MTAP: variants seen among roughly 807,000 people sequenced by gnomAD.
MTAP encodes S-methyl-5'-thioadenosine phosphorylase.
In MTAP, 33 loss-of-function variants were observed where a neutral mutation model predicts 33.6. The observed-to-expected ratio is 0.98, with a 90% CI of 0.74 to 1.31. The LOEUF (loss-of-function observed/expected upper bound fraction) is 1.31, where lower values mean the gene tolerates loss of function less well. Ranked by LOEUF, MTAP falls within the 40% of genes most tolerant of loss-of-function variation. The pLI is 0.00. For synonymous variants in MTAP, 148 were observed against 125.7 expected, an observed-to-expected ratio of 1.18 and a Z score of -1.19; for missense variants, 367 against 360.0, an observed-to-expected ratio of 1.02 and a Z score of -0.16.
chr9:21,804,524 T>TA (rs753143886), intron 1 of MTAP, among the ~76,000 whole-genome samples: 39 of 152,312 alleles, frequency 2.6e-4, no homozygotes, highest in Non-Finnish European at 4.4e-4. Flanking sequence ...AAGAGGTACA[T>TA]ATGGTGCTAG....
intron 1 of MTAP, chr9:21,803,077 A>C (rs1221837980): frequency 1.3e-6 from 1 of 743,444 alleles, no homozygotes; most frequent in Non-Finnish European, 2.0e-6. Flanking sequence ...TGTAGGGCGT[A>C]GGCACCCCTT....
chr9:21,928,225 T>A (rs1054012169), intron 1 of MTAP, among the ~76,000 whole-genome samples: 3 of 152,212 alleles, frequency 2.0e-5, no homozygotes, highest in Non-Finnish European at 4.4e-5. Flanking sequence ...TTTACTTGAC[T>A]CATGCCACCT....
In MTAP at chr9:21,829,315, ACT is replaced by A. The variant is rs560859345; in HGVS notation, c.348-8590_348-8589del. Among the ~76,000 whole-genome samples the A allele has an allele frequency of 2.0e-3, 307 of 151,102 alleles. 1 individual carries two copies. Among genetic ancestry groups the A allele is most frequent in the African/African-American group, 7.0e-3 (289 of 41,116 alleles). On this transcript the variant is annotated intron_variant, in intron 4 of 7. Transcript: ENST00000644715. Reference sequence around the variant, plus strand: ...CATTGAATCAGGAGGTTTCATCTTGACTCTGTTTGGCCCTGTGCAAATCACTT... The same window carrying A: ...CATTGAATCAGGAGGTTTCATCTTGACTGTTTGGCCCTGTGCAAATCACTT...
chr9:21,815,021 A>G (rs2080797163), intron 1 of MTAP, among the ~76,000 whole-genome samples: 1 of 152,230 alleles, frequency 6.6e-6, no homozygotes, highest in South Asian at 2.1e-4. Context: ...CAGTCTTCTG[A>G]ACATTGTTTA....
chr9:21,881,224 G>A (rs1384686515), intron 1 of MTAP, among the ~76,000 whole-genome samples: 1 of 151,684 alleles, frequency 6.6e-6, no homozygotes, highest in Admixed American at 6.6e-5. Context: ...GAATGAAGTT[G>A]GACTCTTACC....
chr9:21,903,715 C>T (rs886638941), intron 1 of MTAP, among the ~76,000 whole-genome samples: 39 of 152,128 alleles, frequency 2.6e-4, no homozygotes, highest in African/African-American at 8.2e-4. Flanking sequence ...AAAGGGCATG[C>T]GATGAGGGAG....
intron 1 of MTAP, among the ~76,000 whole-genome samples, chr9:21,814,846 G>A (rs964582293): frequency 6.6e-6 from 1 of 152,112 alleles, no homozygotes; most frequent in African/African-American, 2.4e-5. Context: ...TTTCATAAAT[G>A]TATATGCGGG....
At chr9:21,854,530 A>G (rs2118510659) in intron 5 of MTAP, 101 bp from the exon 6 acceptor site, 4 of 1,426,388 alleles carry the variant, frequency 2.8e-6, no homozygotes, top group South Asian at 3.4e-5. Flanking sequence ...ATAGTGACAA[A>G]TCATCTTTAA....
intron 1 of MTAP, among the ~76,000 whole-genome samples, chr9:21,874,839 C>A (rs550589392): frequency 2.0e-5 from 3 of 151,836 alleles, no homozygotes; most frequent in African/African-American, 7.3e-5. Context: ...TAATGCTATC[C>A]CTCCCCTAGC....
chr9:21,837,664 G>A lies in MTAP; in HGVS notation c.348-244G>A, dbSNP rs538918685. ...CAATCCAAAGTGGTTACCCCGTCACGGCTGCCAGACCACAGACACTTTAAT... is the reference window on the plus strand; with the variant it reads ...CAATCCAAAGTGGTTACCCCGTCACAGCTGCCAGACCACAGACACTTTAAT... On this transcript the variant is annotated intron_variant, in intron 4 of 7. Transcript: ENST00000644715. Among the ~76,000 whole-genome samples, 47 of 152,212 alleles carry A rather than the reference G, an allele frequency of 3.1e-4. No individual in the cohort carries two copies. The South Asian group carries it at 9.3e-3, about 30-fold the overall frequency.
intron 5 of MTAP, among the ~76,000 whole-genome samples, chr9:21,842,627 T>C (rs1220294170): frequency 2.6e-5 from 4 of 152,224 alleles, no homozygotes; most frequent in African/African-American, 9.6e-5. Context: ...AACAAAATTA[T>C]TCTCAGCCAA....
chr9:21,881,120 A>G (rs12340004), intron 1 of MTAP, among the ~76,000 whole-genome samples: 2,823 of 152,140 alleles, frequency 0.019, 76 homozygotes, highest in African/African-American at 0.063. Context: ...ATATAGTCAA[A>G]TGATCTTCAA....
chr9:21,893,739 A>G (rs1252655551), intron 1 of MTAP: 2 of 152,152 alleles, frequency 1.3e-5, no homozygotes, highest in Admixed American at 6.5e-5. Context: ...ATGAGTTCCA[A>G]AATTGAATCA....
chr9:21,909,608 T>C (rs1461550623), intron 1 of MTAP, among the ~76,000 whole-genome samples: 1 of 152,114 alleles, frequency 6.6e-6, no homozygotes, highest in Non-Finnish European at 1.5e-5. Context: ...CATACTAAGC[T>C]AATAAGTAAG....
At chr9:21,925,828 A>C (rs1207323906) in intron 1 of MTAP, among the ~76,000 whole-genome samples, 1 of 152,120 alleles carries the variant, frequency 6.6e-6, no homozygotes, top group Non-Finnish European at 1.5e-5. Flanking sequence ...GGCAGGTAGG[A>C]CTATAAGTTT....
At position 21,816,784 on chromosome 9, in the gene MTAP, T is replaced by C. The variant is rs369294437; in HGVS notation, c.179+12T>C. The C allele has an allele frequency of 6.2e-7, 1 of 1,602,228 alleles. No individual in the cohort carries two copies. Among genetic ancestry groups the C allele is most frequent in the Non-Finnish European group, 8.5e-7 (1 of 1,174,708 alleles). ...GTCCTCCTTGCAAGGTATGGTATTT[T>C]AAGCTTTTTGGATGTTACTACTAAA... is the stretch of plus-strand genomic sequence containing the variant. On this transcript the variant is annotated intron_variant, in intron 3 of 7. Transcript: ENST00000644715.
At chr9:21,884,168 G>T (rs1818068163) in intron 1 of MTAP, among the ~76,000 whole-genome samples, 1 of 152,130 alleles carries the variant, frequency 6.6e-6, no homozygotes, top group Admixed American at 6.5e-5. Flanking sequence ...ACCATATATT[G>T]CAGGGTACAT....
intron 2 of MTAP, 71 bp from the exon 3 acceptor site, chr9:21,816,643 G>C (rs1824482402): frequency 1.5e-6 from 2 of 1,378,220 alleles, no homozygotes; most frequent in African/African-American, 1.4e-5. Context: ...TCCTGTTGTG[G>C]TTGAACAATT....
intron 5 of MTAP, among the ~76,000 whole-genome samples, chr9:21,848,578 A>G (rs1017236180): frequency 6.6e-6 from 1 of 152,102 alleles, no homozygotes; most frequent in African/African-American, 2.4e-5. Context: ...CCCTTGGTTT[A>G]ATTTAGAGGA....
Sources: allele counts gnomAD v4.1 joint callset (sites outside exome capture counted in the v4.1 genomes callset), GRCh38; gene constraint gnomAD v4.1.1; transcripts MANE v1.5; gene names NCBI Gene and HGNC (gene_info 2026-07-23, HGNC 2026-07-21).